LMBRD1: variants seen among roughly 807,000 people sequenced by gnomAD.
LMBRD1 encodes the protein lysosomal cobalamin transport escort protein LMBD1.
LMBRD1 carries 64 observed loss-of-function variants against 74.8 expected under a neutral mutation model. That is an observed-to-expected ratio of 0.86 (90% CI 0.70 to 1.05). The LOEUF (loss-of-function observed/expected upper bound fraction) is 1.05. Ranked by LOEUF, LMBRD1 falls within the 50% of genes least tolerant of loss-of-function variation. The pLI, the probability that LMBRD1 is intolerant of heterozygous loss-of-function variation, is 0.00. For missense variants in LMBRD1, 652 were observed against 645.9 expected (o/e 1.01, Z -0.10); for synonymous variants, 204 against 216.3 (o/e 0.94, Z 0.50).
chr6:69,769,715 T>G (rs564317954), intron 3 of LMBRD1, among the ~76,000 whole-genome samples: 2 of 147,944 alleles, frequency 1.4e-5, no homozygotes, highest in African/African-American at 5.0e-5. Flanking sequence ...TGCTGATGTG[T>G]CTATTTTTTT....
intron 6 of LMBRD1, among the ~76,000 whole-genome samples, chr6:69,740,698 G>A (rs935565079): frequency 6.6e-6 from 1 of 152,130 alleles, no homozygotes; most frequent in African/African-American, 2.4e-5. Context: ...AGAAAGAAGT[G>A]CTGATTAAAG....
At chr6:69,713,243 C>T (rs1766420516) in intron 9 of LMBRD1, among the ~76,000 whole-genome samples, 1 of 151,970 alleles carries the variant, frequency 6.6e-6, no homozygotes, top group South Asian at 2.1e-4. Context: ...AAACTAGGCC[C>T]TTATTTTACA....
intron 1 of LMBRD1, among the ~76,000 whole-genome samples, chr6:69,794,290 A>C (rs1766162136): frequency 6.7e-6 from 1 of 150,114 alleles, no homozygotes; most frequent in South Asian, 2.1e-4. Flanking sequence ...CCACAAGTTC[A>C]AAAAGGGACA....
chr6:69,749,496 T>C (rs1210225367), intron 4 of LMBRD1, 88 bp from the exon 5 acceptor site: 1 of 978,894 alleles, frequency 1.0e-6, no homozygotes, highest in Non-Finnish European at 1.6e-6. Flanking sequence ...TACCTTCACA[T>C]CAGATACATG....
Position 69,697,633 on chromosome 6 carries a change from T to C in LMBRD1, c.1347A>G (p.Ile449Met), listed in dbSNP as rs771561971. The C allele has an allele frequency of 5.1e-6, 8 of 1,570,566 alleles. No individual in the cohort carries two copies. Among genetic ancestry groups the C allele is most frequent in the Admixed American group, 1.7e-5 (1 of 59,882 alleles). The change falls in exon 14 of 16, where the codon ATA becomes ATG. Residue 449 changes from isoleucine to methionine, a missense_variant. This residue lies in a region of LMBRD1 where 598 missense variants were observed against 581.8 expected (regional missense o/e 1.03). Coordinates refer to ENST00000649934, the MANE Select transcript of LMBRD1 (RefSeq NM_018368.4). ...GSQNYLIETN[I>M]TSDNHKGNST... ...AATTGCCTTTATGATTATCAGAAGT[T>C]ATATTAGTCTGAAAGATAAAAATAC...
At chr6:69,718,678 C>T (rs748988760) in intron 8 of LMBRD1, among the ~76,000 whole-genome samples, 17 of 152,292 alleles carry the variant, frequency 1.1e-4, no homozygotes, top group African/African-American at 2.4e-4. Context: ...CATCAAACCT[C>T]ATGAGAACTC....
intron 1 of LMBRD1, among the ~76,000 whole-genome samples, chr6:69,793,960 T>TC (rs1766152103): frequency 6.6e-6 from 1 of 151,940 alleles, no homozygotes; most frequent in African/African-American, 2.4e-5. Context: ...GCTCAACTGA[T>TC]CCACCTGCCT....
chr6:69,749,331 C>CATGGTTTAAAAAAAAAAAA lies in LMBRD1; in HGVS notation c.473+9_473+10insTTTTTTTTTTTTAAACCAT. 1 of 1,560,642 alleles carries CATGGTTTAAAAAAAAAAAA rather than the reference C, an allele frequency of 6.4e-7. No homozygotes were observed. The highest frequency in any genetic ancestry group is 1.7e-4 in the Middle Eastern group (1 of 5,878). ...ATTTCATGGTTTAAAAAAAAAAAAT[C>CATGGTTTAAAAAAAAAAAA]AAGACTTACCCAACTAAAAGAAGCA... On this transcript the variant is annotated intron_variant, in intron 5 of 15. Transcript: ENST00000649934.
intron 7 of LMBRD1, among the ~76,000 whole-genome samples, chr6:69,725,339 TCACACACACACACACACACACA>T (rs111747887): frequency 6.8e-6 from 1 of 148,088 alleles, no homozygotes; most frequent in Admixed American, 6.7e-5. Context: ...ATGACAATCT[TCACACACACACACACACACACA>T]CACACACACA....
chr6:69,713,010 C>T (rs2149852646), intron 9 of LMBRD1, among the ~76,000 whole-genome samples: 1 of 152,096 alleles, frequency 6.6e-6, no homozygotes, highest in African/African-American at 2.4e-5. Context: ...TAACTATGTG[C>T]AGTTTTAAAA....
At position 69,676,172 on chromosome 6, in the gene LMBRD1, C is replaced by G; in HGVS notation, c.1609G>C (p.Val537Leu). Residue 537 changes from valine to leucine, a missense_variant, in exon 16 of 16, where the codon GTC (valine) becomes CTC (leucine). Val to Leu is a conservative substitution (Grantham distance 32). Transcript: ENST00000649934. ...ACAGAAGGCTGTCAAGCAGAATAGACAGAGGGCTCATCATCACTTATGTCT... is the reference window on the plus strand; with the variant it reads ...ACAGAAGGCTGTCAAGCAGAATAGAGAGAGGGCTCATCATCACTTATGTCT... Reference protein sequence around the residue: ...DSDISDDEPSVYSA With the variant: ...DSDISDDEPSLYSA 6.2e-7 allele frequency: 1 copy of G among 1,612,660 alleles called. No homozygotes were observed. Among genetic ancestry groups the G allele is most frequent in the Non-Finnish European group, 8.5e-7 (1 of 1,178,990 alleles).
intron 2 of LMBRD1, 109 bp from the exon 3 acceptor site, chr6:69,780,663 C>T: frequency 1.3e-6 from 1 of 791,926 alleles, no homozygotes; most frequent in Non-Finnish European, 2.2e-6. Flanking sequence ...TATCCACCCA[C>T]ATAAAAACAA....
chr6:69,774,961 GGAAGGAAGGAAGGAAGGAAGGAAGGA>G (rs1562121607), intron 3 of LMBRD1, among the ~76,000 whole-genome samples: 12 of 32,808 alleles, frequency 3.7e-4, no homozygotes, highest in African/African-American at 1.2e-3. Flanking sequence ...AAGGAAGGAA[GGAAGGAAGGAAGGAAGGAAGGAAGGA>G]AGGGAGGGAG....
chr6:69,703,731 A>G (rs1766186352), intron 9 of LMBRD1, among the ~76,000 whole-genome samples: 1 of 152,114 alleles, frequency 6.6e-6, no homozygotes, highest in East Asian at 1.9e-4. Context: ...CAATTTTGAA[A>G]TAAAAATTAA....
intron 9 of LMBRD1, among the ~76,000 whole-genome samples, chr6:69,703,219 G>A (rs1444468568): frequency 6.6e-6 from 1 of 152,008 alleles, no homozygotes; most frequent in African/African-American, 2.4e-5. Flanking sequence ...AGGGTATAAA[G>A]GAGTTATACT....
chr6:69,704,398 T>C (rs1331028335), intron 9 of LMBRD1, among the ~76,000 whole-genome samples: 5 of 152,146 alleles, frequency 3.3e-5, no homozygotes, highest in African/African-American at 1.2e-4. Context: ...TTTACTAATG[T>C]ATTTACTTAT....
intron 3 of LMBRD1, among the ~76,000 whole-genome samples, chr6:69,775,884 A>G (rs991308002): frequency 6.6e-6 from 1 of 152,240 alleles, no homozygotes; most frequent in Non-Finnish European, 1.5e-5. Context: ...CTTTCTCAAA[A>G]ATGAACAGTG....
rs558951825 is a variant in LMBRD1 at position 69,787,404 on chromosome 6, C to A, written c.246+2892G>T. On this transcript the variant is annotated intron_variant, in intron 2 of 15. Transcript: ENST00000649934. ...AAAAACTACCAAGAAAAATCTGATACATTATCTAAGTTAAAAGCAAACAGA... is the reference window on the plus strand; with the variant it reads ...AAAAACTACCAAGAAAAATCTGATAAATTATCTAAGTTAAAAGCAAACAGA... 2.0e-5 allele frequency among the ~76,000 whole-genome samples: 3 copies of A among 152,150 alleles called. No individual in the cohort carries two copies. In the South Asian group the frequency reaches 6.2e-4, roughly 32 times the overall value.
intron 14 of LMBRD1, among the ~76,000 whole-genome samples, chr6:69,679,049 A>AC (rs1484871297): frequency 3.0e-4 from 42 of 138,922 alleles, no homozygotes; most frequent in African/African-American, 8.0e-4. Context: ...AAAACAAAAA[A>AC]AAAAAAACAA....
Sources: gnomAD v4.1 joint callset for allele counts (sites outside exome capture counted in the v4.1 genomes callset) on GRCh38, gnomAD v4.1.1 for gene constraint, gnomAD v4.1.1 regional missense constraint, MANE v1.5 for transcripts, NCBI Gene and HGNC (gene_info 2026-07-23, HGNC 2026-07-21) for gene names.